Variants in CDH13 observed in about 807,000 individuals in gnomAD.
CDH13 encodes the protein cadherin 13.
In CDH13, 24 loss-of-function variants were observed where a neutral mutation model predicts 63.8. The ratio of observed to expected loss-of-function variants is 0.38; its 90% CI spans 0.27 to 0.53. The LOEUF (loss-of-function observed/expected upper bound fraction) is 0.53. CDH13 is among the 20% of genes least tolerant of loss of function. CDH13 has a pLI of 0.85. For missense variants in CDH13, 1,049 were observed against 903.1 expected, an observed-to-expected ratio of 1.16 and a Z score of -2.07; for synonymous variants, 503 against 355.3, an observed-to-expected ratio of 1.42 and a Z score of -4.67.
At chr16:83,355,734 G>T (rs140615919) in intron 6 of CDH13, among the ~76,000 whole-genome samples, 31 of 152,286 alleles carry the variant, frequency 2.0e-4, no homozygotes, top group African/African-American at 7.2e-4. Context: ...GCTTGCAGAC[G>T]AAAGAGGAAG....
At chr16:83,427,938 T>C (rs926837098) in intron 6 of CDH13, among the ~76,000 whole-genome samples, 3 of 152,258 alleles carry the variant, frequency 2.0e-5, no homozygotes, top group Non-Finnish European at 4.4e-5. Context: ...GGCTGCTCCA[T>C]GTCACCTCAC....
At chr16:83,010,441 T>A (rs1474900211) in intron 2 of CDH13, among the ~76,000 whole-genome samples, 1 of 152,146 alleles carries the variant, frequency 6.6e-6, no homozygotes. Context: ...TTTGCTTGTT[T>A]TAATTCAAGA....
chr16:83,241,924 G>A (rs1476411648), intron 5 of CDH13, among the ~76,000 whole-genome samples: 1 of 152,136 alleles, frequency 6.6e-6, no homozygotes, highest in Non-Finnish European at 1.5e-5. Flanking sequence ...CCAATGTCCT[G>A]AAGCTTTCCC....
chr16:82,906,939 A>T (rs2041665955), intron 2 of CDH13, among the ~76,000 whole-genome samples: 1 of 152,206 alleles, frequency 6.6e-6, no homozygotes, highest in South Asian at 2.1e-4. Context: ...CTAATCTAAA[A>T]TGACCGTAAC....
intron 2 of CDH13, among the ~76,000 whole-genome samples, chr16:82,863,473 A>T (rs1209413404): frequency 6.6e-6 from 1 of 151,994 alleles, no homozygotes; most frequent in Non-Finnish European, 1.5e-5. Context: ...CTAGAATTCA[A>T]ATGTGCACAC....
chr16:82,708,328 G>A (rs574515486), intron 1 of CDH13, among the ~76,000 whole-genome samples: 23 of 152,240 alleles, frequency 1.5e-4, no homozygotes, highest in Non-Finnish European at 2.2e-4. Flanking sequence ...GGACCCACAG[G>A]GAGTTACTAT....
intron 8 of CDH13, among the ~76,000 whole-genome samples, chr16:83,660,929 G>GA (rs5818461): frequency 2.0e-5 from 3 of 151,012 alleles, no homozygotes; most frequent in South Asian, 2.1e-4. Flanking sequence ...TGAAATTGAA[G>GA]AAAAAAAAAT....
chr16:83,401,480 C>G (rs192116626), intron 6 of CDH13, among the ~76,000 whole-genome samples: 5 of 152,098 alleles, frequency 3.3e-5, no homozygotes, highest in African/African-American at 9.6e-5. Context: ...TCACTGCACT[C>G]CAGCCTGGGT....
At chr16:83,072,562 A>G (rs139695014) in intron 3 of CDH13, among the ~76,000 whole-genome samples, 34 of 152,266 alleles carry the variant, frequency 2.2e-4, no homozygotes, top group African/African-American at 7.9e-4. Flanking sequence ...TGTCAATGGG[A>G]TCACAAACTT....
At chr16:82,995,541 T>C (rs1175549458) in intron 2 of CDH13, among the ~76,000 whole-genome samples, 3 of 152,116 alleles carry the variant, frequency 2.0e-5, no homozygotes, top group Non-Finnish European at 2.9e-5. Flanking sequence ...CCCAATACCA[T>C]CAAGCCACCA....
chr16:82,722,379 C>T (rs928105653), intron 1 of CDH13, among the ~76,000 whole-genome samples: 4 of 152,128 alleles, frequency 2.6e-5, no homozygotes, highest in Non-Finnish European at 1.5e-5. Flanking sequence ...TTGGCAGACT[C>T]AGATCTGTAG....
intron 2 of CDH13, among the ~76,000 whole-genome samples, chr16:82,902,062 T>G (rs1341334472): frequency 1.3e-5 from 2 of 152,222 alleles, no homozygotes; most frequent in Admixed American, 1.3e-4. Flanking sequence ...TCTGTCTCAT[T>G]TCAAAACTTG....
chr16:83,080,992 C>G lies in CDH13; in HGVS notation c.367-44393C>G, dbSNP rs376698534. 8.9e-4 allele frequency among the ~76,000 whole-genome samples: 130 copies of G among 146,844 alleles called. 1 individual carries two copies. The highest frequency in any genetic ancestry group is 2.9e-3 in the African/African-American group (117 of 40,078). On this transcript the variant is annotated intron_variant, in intron 3 of 13. Transcript: ENST00000567109. The stretch of plus-strand genomic sequence containing the variant: ...TGCCTCCCAGGTTCAAACGATTCCC[C>G]TGCCTCAGCCTCCCGAGTAACTGGG...
intron 3 of CDH13, among the ~76,000 whole-genome samples, chr16:83,105,862 A>C (rs974446431): frequency 1.3e-5 from 2 of 152,176 alleles, no homozygotes; most frequent in African/African-American, 2.4e-5. Flanking sequence ...AGGAGGGAGA[A>C]AGTAGTGAGT....
At chr16:83,767,306 A>G (rs1914459226) in intron 11 of CDH13, among the ~76,000 whole-genome samples, 1 of 152,140 alleles carries the variant, frequency 6.6e-6, no homozygotes, top group Non-Finnish European at 1.5e-5. Context: ...CATCTAGAGT[A>G]ATGGAATCAT....
intron 5 of CDH13, among the ~76,000 whole-genome samples, chr16:83,270,896 C>T (rs1282980488): frequency 6.7e-6 from 1 of 148,254 alleles, no homozygotes. Context: ...CCCTCCCTTC[C>T]TCCCTCCTTT....
chr16:83,626,635 C>T (rs556299937), intron 8 of CDH13, among the ~76,000 whole-genome samples: 5 of 152,102 alleles, frequency 3.3e-5, no homozygotes, highest in Admixed American at 6.6e-5. Context: ...CTGAACTCAA[C>T]GTTGTCCTCT....
chr16:83,593,869 T>C (rs11860081), intron 7 of CDH13, among the ~76,000 whole-genome samples: 3,688 of 152,224 alleles, frequency 0.024, 138 homozygotes, highest in African/African-American at 0.085. Context: ...AAGCACATTA[T>C]AGACTGTGGT....
rs111439228 is a variant in CDH13 at position 82,634,756 on chromosome 16, G to A, written c.45+7619G>A. Among the ~76,000 whole-genome samples the A allele has an allele frequency of 1.4e-3, 207 of 152,286 alleles. 1 individual carries two copies. The highest frequency in any genetic ancestry group is 4.6e-3 in the African/African-American group (190 of 41,564). ...GTTACAGCCAAAGAGGCTTCTGGGC[G>A]TCTTCTCAAATAAGAGGGGCCTGAG... On this transcript the variant is annotated intron_variant, in intron 1 of 13. Coordinates refer to ENST00000567109, the MANE Select transcript of CDH13 (RefSeq NM_001257.5).
Sources: allele counts gnomAD v4.1 joint callset (sites outside exome capture counted in the v4.1 genomes callset), GRCh38; gene constraint gnomAD v4.1.1; transcripts MANE v1.5; gene names NCBI Gene and HGNC (gene_info 2026-07-23, HGNC 2026-07-21).